MFHAS1: variants seen among roughly 807,000 people sequenced by gnomAD.
MFHAS1 encodes the protein malignant fibrous histiocytoma-amplified sequence 1.
Under a neutral mutation model 70.4 loss-of-function variants are expected in MFHAS1, and 50 were observed. That is an observed-to-expected ratio of 0.71 (90% CI 0.57 to 0.90). MFHAS1 has a LOEUF of 0.90. Among genes scored for constraint, MFHAS1 ranks in the 40% least tolerant of loss-of-function variants. MFHAS1 has a pLI of 0.00. For missense variants in MFHAS1, 1,795 were observed against 1,347.6 expected, an observed-to-expected ratio of 1.33 and a Z score of -5.20; for synonymous variants, 952 against 620.0, an observed-to-expected ratio of 1.54 and a Z score of -7.96.
At position 8,892,410 on chromosome 8, in the gene MFHAS1, G is replaced by C; in HGVS notation, c.649C>G (p.Arg217Gly). The C allele has an allele frequency of 1.2e-6, 2 of 1,612,854 alleles. No individual in the cohort carries two copies. The highest frequency in any genetic ancestry group is 1.7e-6 in the Non-Finnish European group (2 of 1,179,768). Reference protein sequence around the residue: ...EELDVSSNRLRGLPEDISALR... With the variant: ...EELDVSSNRLGGLPEDISALR... ...GCACTGATATCCTCAGGCAGGCCCC[G>C]CAGCCGGTTGCTGGACACGTCCAGC... Residue 217 changes from arginine (R) to glycine (G), a missense_variant, in exon 1 of 3, where the codon CGG becomes GGG. Physicochemically the swap from Arg to Gly is moderately radical, Grantham distance 125 (BLOSUM62 -2). Coordinates refer to ENST00000276282, the MANE Select transcript of MFHAS1 (RefSeq NM_004225.3). This position sits in a 1 kb window ranked among gnomAD's most constrained non-coding sequence, Gnocchi z 4.7.
At chr8:8,888,833 G>A (rs1211751684) in intron 1 of MFHAS1, among the ~76,000 whole-genome samples, 1 of 152,134 alleles carries the variant, frequency 6.6e-6, no homozygotes, top group Admixed American at 6.5e-5. Context: ...AGTAAACCCT[G>A]TGTAAACTAT....
intron 1 of MFHAS1, among the ~76,000 whole-genome samples, chr8:8,817,817 C>G (rs1230535775): frequency 1.3e-5 from 2 of 152,176 alleles, no homozygotes; most frequent in Non-Finnish European, 2.9e-5. Context: ...AGAGTTCAAG[C>G]TCCTATGAGA....
intron 2 of MFHAS1, among the ~76,000 whole-genome samples, chr8:8,794,476 T>A (rs923754766): frequency 6.6e-6 from 1 of 152,160 alleles, no homozygotes; most frequent in Admixed American, 6.5e-5. Context: ...TGTCCATGTG[T>A]TCATGGATGT....
intron 2 of MFHAS1, among the ~76,000 whole-genome samples, chr8:8,787,260 T>A (rs1469606554): frequency 3.9e-5 from 6 of 152,102 alleles, no homozygotes; most frequent in Non-Finnish European, 5.9e-5. Flanking sequence ...TTTTGCATTT[T>A]TAGTAGAGAT....
At chr8:8,847,474 G>A (rs148292535) in intron 1 of MFHAS1, among the ~76,000 whole-genome samples, 40 of 152,286 alleles carry the variant, frequency 2.6e-4, no homozygotes, top group South Asian at 4.1e-4. Context: ...GAGTCACCAC[G>A]CCCGGCCAGA....
intron 1 of MFHAS1, among the ~76,000 whole-genome samples, chr8:8,811,398 C>T (rs1241288719): frequency 6.6e-6 from 1 of 151,976 alleles, no homozygotes; most frequent in Non-Finnish European, 1.5e-5. Flanking sequence ...GTCTCAGCAT[C>T]CCAAGTAAAT....
At chr8:8,814,088 C>T (rs1361417199) in intron 1 of MFHAS1, among the ~76,000 whole-genome samples, 1 of 152,078 alleles carries the variant, frequency 6.6e-6, no homozygotes. Flanking sequence ...CAGGTGTGTG[C>T]CACCACGCCC....
At chr8:8,791,133 T>G (rs576536231) in intron 2 of MFHAS1, among the ~76,000 whole-genome samples, 2 of 151,438 alleles carry the variant, frequency 1.3e-5, no homozygotes, top group Admixed American at 6.6e-5. Flanking sequence ...CCGTTTTTTT[T>G]TTTTTTTTTT....
chr8:8,827,093 A>G (rs1355565578), intron 1 of MFHAS1, among the ~76,000 whole-genome samples: 1 of 152,192 alleles, frequency 6.6e-6, no homozygotes, highest in Non-Finnish European at 1.5e-5. Flanking sequence ...TCCTATGCAT[A>G]GTGATTTGCT....
rs1810190139 is a variant in MFHAS1, at chr8:8,893,575, G to A, written c.-517C>T. The A allele has an allele frequency of 2.7e-5, 4 of 146,628 alleles. No individual in the cohort carries two copies. 9.1% of individuals were successfully genotyped at this position (146,628 alleles called of 1,614,324 possible). Reference sequence around the variant, plus strand: ...CCTTGTCTCCGTTTCCCCGGGCTCGGGCGGGAGCGCGGGCGCCGCGTCCCC... The same window carrying A: ...CCTTGTCTCCGTTTCCCCGGGCTCGAGCGGGAGCGCGGGCGCCGCGTCCCC... On this transcript the variant is annotated 5_prime_UTR_variant, in exon 1 of 3. Coordinates refer to ENST00000276282, the MANE Select transcript of MFHAS1 (RefSeq NM_004225.3).
chr8:8,824,179 A>C (rs1023191552), intron 1 of MFHAS1, among the ~76,000 whole-genome samples: 4 of 151,802 alleles, frequency 2.6e-5, no homozygotes, highest in African/African-American at 7.3e-5. Flanking sequence ...GTAAACAGAC[A>C]GGCAAACTCC....
chr8:8,810,488 A>G (rs1806505569), intron 1 of MFHAS1, among the ~76,000 whole-genome samples: 1 of 152,062 alleles, frequency 6.6e-6, no homozygotes, highest in African/African-American at 2.4e-5. Context: ...AGCAAGTCCA[A>G]CCCCTCCTCT....
At chr8:8,790,218 T>A (rs917642893) in intron 2 of MFHAS1, 7 of 198,812 alleles carry the variant, frequency 3.5e-5, no homozygotes, top group African/African-American at 1.7e-4. Context: ...ATTCCTGTTC[T>A]CCAAAATCTC....
intron 1 of MFHAS1, among the ~76,000 whole-genome samples, chr8:8,884,776 C>G (rs999096275): frequency 6.6e-6 from 1 of 152,280 alleles, no homozygotes; most frequent in East Asian, 1.9e-4. Flanking sequence ...CAGCGAAACC[C>G]TGTCTCTACA....
intron 1 of MFHAS1, among the ~76,000 whole-genome samples, chr8:8,841,847 G>T (rs1177549262): frequency 6.6e-6 from 1 of 152,184 alleles, no homozygotes; most frequent in Non-Finnish European, 1.5e-5. Flanking sequence ...TTATGTTGCT[G>T]CAGAATTTTA....
intron 2 of MFHAS1, among the ~76,000 whole-genome samples, chr8:8,789,698 TC>T (rs556022296): frequency 6.6e-6 from 1 of 152,250 alleles, no homozygotes; most frequent in South Asian, 2.1e-4. Flanking sequence ...ATTAGCCAAT[TC>T]CTAGAGATGG....
chr8:8,833,150 C>G (rs1807470669), intron 1 of MFHAS1, among the ~76,000 whole-genome samples: 1 of 152,168 alleles, frequency 6.6e-6, no homozygotes, highest in Non-Finnish European at 1.5e-5. Context: ...ATCGTGACAA[C>G]ACCACCAAAG....
At chr8:8,884,855 T>G (rs1034323817) in intron 1 of MFHAS1, among the ~76,000 whole-genome samples, 2 of 151,980 alleles carry the variant, frequency 1.3e-5, no homozygotes, top group South Asian at 2.1e-4. Context: ...GAGGCTGAAG[T>G]AGGAGGATCA....
chr8:8,838,246 G>T (rs530943269), intron 1 of MFHAS1, among the ~76,000 whole-genome samples: 2 of 152,190 alleles, frequency 1.3e-5, no homozygotes, highest in African/African-American at 4.8e-5. Flanking sequence ...GTTGCCTGAG[G>T]CTGGCATGAG....
Sources: gnomAD v4.1 joint callset for allele counts (sites outside exome capture counted in the v4.1 genomes callset) on GRCh38, gnomAD v4.1.1 for gene constraint, Gnocchi (gnomAD v3.1) non-coding constraint, MANE v1.5 for transcripts, NCBI Gene and HGNC (gene_info 2026-07-23, HGNC 2026-07-21) for gene names.